Variants in INSYN2B observed in about 807,000 individuals in gnomAD.
INSYN2B encodes inhibitory synaptic factor family member 2B.
INSYN2B carries 16 observed loss-of-function variants against 41.2 expected under a neutral mutation model. That is an observed-to-expected ratio of 0.39 (90% CI 0.26 to 0.59). The LOEUF is 0.59. Ranked by LOEUF, INSYN2B falls within the 20% of genes least tolerant of loss-of-function variation. The probability of loss-of-function intolerance (pLI) is 0.57; values close to 1 mark genes in which losing one functional copy is unlikely to be tolerated. For synonymous variants in INSYN2B, 245 were observed against 244.4 expected (o/e 1.00, Z -0.02); for missense variants, 608 against 646.4 (o/e 0.94, Z 0.64).
rs1321888504 is a variant in INSYN2B, at chr5:169,877,101, A to G, written c.1421+4267T>C. On this transcript the variant is annotated intron_variant, in intron 3 of 3. Coordinates refer to ENST00000377365, the MANE Select transcript of INSYN2B (RefSeq NM_001129891.3). ...AACTGACATTTAAGCTGCAAGACTA[A>G]GAAATATCCACACAAAGCAGGGCAG... is the stretch of plus-strand genomic sequence containing the variant. 2.6e-5 allele frequency among the ~76,000 whole-genome samples: 4 copies of G among 152,340 alleles called. No individual in the cohort carries two copies. The East Asian group carries it at 7.7e-4, about 29-fold the overall frequency.
chr5:169,920,085 G>A (rs780255413), intron 1 of INSYN2B, among the ~76,000 whole-genome samples: 1 of 151,954 alleles, frequency 6.6e-6, no homozygotes, highest in African/African-American at 2.4e-5. Context: ...TTTTATCTCC[G>A]GTGAATAGTT....
intron 1 of INSYN2B, among the ~76,000 whole-genome samples, chr5:169,941,088 C>T (rs577237605): frequency 1.3e-5 from 2 of 152,304 alleles, no homozygotes; most frequent in East Asian, 3.9e-4. Context: ...CACGCTGAGT[C>T]TTTAATCTCA....
At chr5:169,886,400 G>C (rs55913366) in intron 1 of INSYN2B, among the ~76,000 whole-genome samples, 30 of 152,304 alleles carry the variant, frequency 2.0e-4, no homozygotes, top group African/African-American at 7.2e-4. Context: ...ACTTTGTGTA[G>C]GACTTTTAGG....
chr5:169,966,229 T>C (rs886372941), intron 1 of INSYN2B, among the ~76,000 whole-genome samples: 19 of 152,102 alleles, frequency 1.2e-4, no homozygotes, highest in Non-Finnish European at 1.0e-4. Context: ...ATAATGTACA[T>C]TGGTTGGTTG....
chr5:169,916,753 G>A (rs1406107565), intron 1 of INSYN2B, among the ~76,000 whole-genome samples: 1 of 152,038 alleles, frequency 6.6e-6, no homozygotes, highest in Non-Finnish European at 1.5e-5. Context: ...ACAAGAATTT[G>A]GCATATATAA....
At chr5:169,964,844 G>A (rs1453953275) in intron 1 of INSYN2B, among the ~76,000 whole-genome samples, 1 of 152,232 alleles carries the variant, frequency 6.6e-6, no homozygotes, top group Non-Finnish European at 1.5e-5. Context: ...GGATTCAAAG[G>A]GGGAACTGCA....
rs1305100720 is a variant in INSYN2B, at chr5:169,927,252, G to A, written c.-918-42436C>T. Among the ~76,000 whole-genome samples the A allele has an allele frequency of 4.6e-5, 7 of 152,306 alleles. No individual in the cohort carries two copies. In the East Asian group the frequency reaches 1.2e-3, roughly 25 times the overall value. ...AGCAGCTTCAGATGAATTCGGAGAG[G>A]TAGAAGCAGCCAGATCCTCTAGAGC... On this transcript the variant is annotated intron_variant, in intron 1 of 3. Transcript: ENST00000377365.
At chr5:169,900,102 G>A (rs539250482) in intron 1 of INSYN2B, among the ~76,000 whole-genome samples, 120 of 152,162 alleles carry the variant, frequency 7.9e-4, no homozygotes, top group South Asian at 1.9e-3. Flanking sequence ...CACCCACTAT[G>A]TGCCAAACAT....
chr5:169,940,259 G>C (rs1199302148), intron 1 of INSYN2B, among the ~76,000 whole-genome samples: 1 of 152,226 alleles, frequency 6.6e-6, no homozygotes, highest in Non-Finnish European at 1.5e-5. Flanking sequence ...CTGTGTGCCA[G>C]ACTCTGATCA....
At chr5:169,933,438 A>T (rs1369012856) in intron 1 of INSYN2B, among the ~76,000 whole-genome samples, 1 of 152,232 alleles carries the variant, frequency 6.6e-6, no homozygotes, top group African/African-American at 2.4e-5. Flanking sequence ...GCTGCTATAG[A>T]AGAGCTCTTT....
intron 1 of INSYN2B, among the ~76,000 whole-genome samples, chr5:169,956,692 T>G (rs1258812791): frequency 1.3e-5 from 2 of 152,212 alleles, no homozygotes; most frequent in African/African-American, 4.8e-5. Context: ...GGGGATGCCC[T>G]TAAATTCACC....
chr5:169,868,586 C>A (rs1012467541), intron 3 of INSYN2B, among the ~76,000 whole-genome samples: 2 of 152,116 alleles, frequency 1.3e-5, no homozygotes, highest in Non-Finnish European at 2.9e-5. Flanking sequence ...TAGCGAGACA[C>A]CATCTCTACA....
Position 169,864,166 on chromosome 5 carries a change from A to G in INSYN2B, c.*107T>C. 1 of 1,021,708 alleles carries G rather than the reference A, an allele frequency of 9.8e-7. No homozygotes were observed. The highest frequency in any genetic ancestry group is 1.5e-5 in the South Asian group (1 of 66,680). The allele number at this position is 1,021,708 out of a possible 1,614,324, so 63.3% of individuals were successfully genotyped here. A position where few individuals can be genotyped will look rare whatever the true frequency, so the allele number is the denominator to read the frequency against. ...TTCTGTTTCACAGGCCAAGGGGCTC[A>G]CAGCCCAGGGCCTTTGCAAAGAAGC... On this transcript the variant is annotated 3_prime_UTR_variant, in exon 4 of 4. Coordinates refer to ENST00000377365, the MANE Select transcript of INSYN2B (RefSeq NM_001129891.3).
intron 1 of INSYN2B, among the ~76,000 whole-genome samples, chr5:169,929,906 G>A (rs6896505): frequency 0.62 from 94,658 of 152,046 alleles, 30,651 homozygotes; most frequent in African/African-American, 0.82. Flanking sequence ...ACACATGCCT[G>A]TTAAACATAT....
intron 1 of INSYN2B, among the ~76,000 whole-genome samples, chr5:169,967,007 A>G (rs980549402): frequency 6.6e-6 from 1 of 152,250 alleles, no homozygotes; most frequent in Non-Finnish European, 1.5e-5. Flanking sequence ...AGACCATATT[A>G]TATATCCATT....
intron 3 of INSYN2B, among the ~76,000 whole-genome samples, chr5:169,874,611 C>T (rs552651792): frequency 8.5e-5 from 13 of 152,184 alleles, no homozygotes; most frequent in East Asian, 5.8e-4. Context: ...ACCTTTTACA[C>T]GTGTCTGCTG....
intron 1 of INSYN2B, among the ~76,000 whole-genome samples, chr5:169,914,742 G>A (rs1774783711): frequency 6.6e-6 from 1 of 152,154 alleles, no homozygotes; most frequent in African/African-American, 2.4e-5. Flanking sequence ...CCTTCTGGTG[G>A]GGCAGGGTCT....
At chr5:169,973,448 C>G (rs73327844) in intron 1 of INSYN2B, among the ~76,000 whole-genome samples, 1,891 of 152,222 alleles carry the variant, frequency 0.012, 42 homozygotes, top group African/African-American at 0.043. Context: ...TTTTAAGGGA[C>G]CCTCTGCATG....
chr5:169,916,530 G>T (rs1183381442), intron 1 of INSYN2B, among the ~76,000 whole-genome samples: 1 of 152,170 alleles, frequency 6.6e-6, no homozygotes, highest in African/African-American at 2.4e-5. Flanking sequence ...ACTAGCTATT[G>T]GGCAACCTTC....
Sources: allele counts gnomAD v4.1 joint callset (sites outside exome capture counted in the v4.1 genomes callset), GRCh38; gene constraint gnomAD v4.1.1; transcripts MANE v1.5; gene names NCBI Gene and HGNC (gene_info 2026-07-23, HGNC 2026-07-21).